MTUS1: variants seen among roughly 807,000 people sequenced by gnomAD.
MTUS1 encodes the protein microtubule-associated tumor suppressor 1.
A neutral mutation model predicts 120.8 loss-of-function variants in MTUS1; 109 were observed. That is an observed-to-expected ratio of 0.90 (90% CI 0.77 to 1.06). MTUS1 has a LOEUF of 1.06. Among genes scored for constraint, MTUS1 ranks in the 50% least tolerant of loss-of-function variants. The probability of loss-of-function intolerance (pLI) is 0.00; values close to 1 mark genes in which losing one functional copy is unlikely to be tolerated. For missense variants in MTUS1, 2,210 were observed against 1,486.3 expected, an observed-to-expected ratio of 1.49 and a Z score of -8.01; for synonymous variants, 737 against 550.5, an observed-to-expected ratio of 1.34 and a Z score of -4.74.
intron 4 of MTUS1, among the ~76,000 whole-genome samples, chr8:17,717,577 G>C (rs2131057813): frequency 6.6e-6 from 1 of 152,218 alleles, no homozygotes; most frequent in East Asian, 1.9e-4. Context: ...ATTAAACTGA[G>C]TTCAATTTAC....
intron 4 of MTUS1, among the ~76,000 whole-genome samples, chr8:17,716,285 A>G (rs569737771): frequency 6.6e-6 from 1 of 152,214 alleles, no homozygotes; most frequent in Non-Finnish European, 1.5e-5. Flanking sequence ...TCGCACAGTC[A>G]GCTAGTTAAT....
chr8:17,702,284 T>C (rs1819251869), intron 6 of MTUS1, among the ~76,000 whole-genome samples: 2 of 152,226 alleles, frequency 1.3e-5, no homozygotes, highest in Non-Finnish European at 2.9e-5. Context: ...TGAGAGCACA[T>C]TATTTTAACT....
At chr8:17,721,870 G>C in intron 4 of MTUS1, 1 of 1,613,866 alleles carries the variant, frequency 6.2e-7, no homozygotes, top group Non-Finnish European at 8.5e-7. Flanking sequence ...ATCAGTTTCT[G>C]TACAACTGCG....
intron 1 of MTUS1, among the ~76,000 whole-genome samples, chr8:17,765,995 C>T (rs7461220): frequency 0.98 from 148,544 of 152,194 alleles, 72,589 homozygotes; most frequent in East Asian, 1. Context: ...ATATACTTTA[C>T]ATACTATAAA....
intron 9 of MTUS1, 150 bp from the exon 10 acceptor site, chr8:17,654,816 C>T: frequency 1.6e-6 from 1 of 620,908 alleles, no homozygotes; most frequent in Non-Finnish European, 2.9e-6. Flanking sequence ...AAGGTCAGGG[C>T]AGTGGTTCAC....
chr8:17,733,138 G>A (rs1459532041), intron 3 of MTUS1, among the ~76,000 whole-genome samples: 1 of 152,132 alleles, frequency 6.6e-6, no homozygotes, highest in Non-Finnish European at 1.5e-5. Flanking sequence ...ATCACCTGAG[G>A]TCAGGAGCAC....
intron 8 of MTUS1, among the ~76,000 whole-genome samples, chr8:17,670,904 T>A (rs192272225): frequency 6.6e-6 from 1 of 152,100 alleles, no homozygotes; most frequent in Non-Finnish European, 1.5e-5. Context: ...AAAAACAGCA[T>A]ACTATATCTT....
intron 6 of MTUS1, among the ~76,000 whole-genome samples, chr8:17,700,696 T>C (rs1054409478): frequency 6.6e-6 from 1 of 152,022 alleles, no homozygotes; most frequent in African/African-American, 2.4e-5. Flanking sequence ...CCTAATTTTT[T>C]TTTTCAAAAA....
chr8:17,683,439 G>C (rs552465686), intron 7 of MTUS1, among the ~76,000 whole-genome samples: 35 of 152,222 alleles, frequency 2.3e-4, no homozygotes, highest in Non-Finnish European at 4.6e-4. Flanking sequence ...CAAAACTACA[G>C]AACAACCAAA....
chr8:17,662,158 ACTC>A (rs1378640564), intron 8 of MTUS1, among the ~76,000 whole-genome samples: 8 of 151,816 alleles, frequency 5.3e-5, no homozygotes, highest in African/African-American at 1.7e-4. Context: ...GTGTGCTCTC[ACTC>A]CTATCCTCAG....
chr8:17,704,514 T>G (rs1310279508), intron 6 of MTUS1, among the ~76,000 whole-genome samples: 2 of 152,206 alleles, frequency 1.3e-5, no homozygotes, highest in African/African-American at 4.8e-5. Context: ...CCCAGTACTA[T>G]CTACAAAAAG....
intron 9 of MTUS1, chr8:17,654,996 T>C (rs1807896694): frequency 4.2e-6 from 1 of 240,510 alleles, no homozygotes; most frequent in Non-Finnish European, 8.2e-6. Context: ...CTCTGTCTCC[T>C]TCCCTACCCT....
At chr8:17,724,613 A>G (rs1453948958) in intron 3 of MTUS1, among the ~76,000 whole-genome samples, 1 of 152,176 alleles carries the variant, frequency 6.6e-6, no homozygotes, top group Non-Finnish European at 1.5e-5. Context: ...TATCAGTGAA[A>G]TAAATATACA....
intron 8 of MTUS1, among the ~76,000 whole-genome samples, chr8:17,667,756 T>C (rs1386007806): frequency 6.6e-6 from 1 of 152,242 alleles, no homozygotes; most frequent in Admixed American, 6.5e-5. Flanking sequence ...TCTTGGGTTC[T>C]TATGCAAGCT....
chr8:17,678,602 G>A lies in MTUS1; in HGVS notation c.2839-3350C>T, dbSNP rs142473660. 7.1e-3 allele frequency among the ~76,000 whole-genome samples: 1,076 copies of A among 152,226 alleles called. 3 individuals are homozygous for A. Among genetic ancestry groups the A allele is most frequent in the Non-Finnish European group, 0.011 (760 of 68,028 alleles). ...AATAGCCACATCAGATGGCTCAGAC[G>A]TGTGCTGCATCTGACCTCCTCCCCA... On this transcript the variant is annotated intron_variant, in intron 7 of 14. Transcript: ENST00000693296.
At chr8:17,706,882 C>T (rs987056766) in intron 6 of MTUS1, among the ~76,000 whole-genome samples, 14 of 152,032 alleles carry the variant, frequency 9.2e-5, no homozygotes, top group Middle Eastern at 3.2e-3. Context: ...TCATTTAAAA[C>T]GACAAATTTT....
intron 8 of MTUS1, among the ~76,000 whole-genome samples, chr8:17,673,112 C>T (rs1310134131): frequency 6.6e-6 from 1 of 152,134 alleles, no homozygotes; most frequent in Non-Finnish European, 1.5e-5. Flanking sequence ...TCTTCTAACT[C>T]TGTTAATTAT....
chr8:17,740,973 C>T (rs1305565264), intron 3 of MTUS1, among the ~76,000 whole-genome samples: 1 of 152,176 alleles, frequency 6.6e-6, no homozygotes, highest in Admixed American at 6.5e-5. Flanking sequence ...TCAAGGAATT[C>T]TCCTGCCTCA....
At chr8:17,679,249 A>C (rs1813764422) in intron 7 of MTUS1, among the ~76,000 whole-genome samples, 3 of 152,048 alleles carry the variant, frequency 2.0e-5, no homozygotes, top group Admixed American at 2.0e-4. Flanking sequence ...AAAAATACAT[A>C]GACATACAAT....
Sources: allele counts gnomAD v4.1 joint callset (sites outside exome capture counted in the v4.1 genomes callset), GRCh38; gene constraint gnomAD v4.1.1; transcripts MANE v1.5; gene names NCBI Gene and HGNC (gene_info 2026-07-23, HGNC 2026-07-21).